Variants in BLOC1S6 observed in about 807,000 individuals in gnomAD.
BLOC1S6 encodes the protein biogenesis of lysosomal organelles complex 1 subunit 6.
BLOC1S6 carries 24 observed loss-of-function variants against 24.7 expected under a neutral mutation model. The ratio of observed to expected loss-of-function variants is 0.97; its 90% CI spans 0.70 to 1.37. The LOEUF is 1.37. BLOC1S6 is among the 40% of genes most tolerant of loss of function. The pLI is 0.00. For missense variants in BLOC1S6, 175 were observed against 196.2 expected, an observed-to-expected ratio of 0.89 and a Z score of 0.64; for synonymous variants, 76 against 72.6, an observed-to-expected ratio of 1.05 and a Z score of -0.23.
intron 2 of BLOC1S6, among the ~76,000 whole-genome samples, chr15:45,594,746 G>A (rs528574796): frequency 1.3e-5 from 2 of 152,066 alleles, no homozygotes; most frequent in African/African-American, 4.8e-5. Context: ...ACTCCGCCCA[G>A]CTAATTTTTT....
In BLOC1S6 at chr15:45,605,357, T is replaced by C. The variant is rs949800637; in HGVS notation, c.313-71T>C. 1.9e-5 allele frequency: 23 copies of C among 1,221,664 alleles called. No individual in the cohort carries two copies. In the Middle Eastern group the frequency reaches 9.7e-4, roughly 51 times the overall value. 75.7% of individuals were successfully genotyped at this position (1,221,664 alleles called of 1,614,324 possible). On this transcript the variant is annotated intron_variant, in intron 3 of 4. Transcript: ENST00000220531. ...GGAAGCACAAACTATCATTTATATA[T>C]TGCCTTATTTATTCATTTTGATATT...
At chr15:45,591,962 C>A in intron 1 of BLOC1S6, 173 bp from the exon 2 acceptor site, 1 of 694,952 alleles carries the variant, frequency 1.4e-6, no homozygotes, top group Non-Finnish European at 2.3e-6. Flanking sequence ...CTTTTATTAG[C>A]TGTGTCAATT....
intron 2 of BLOC1S6, among the ~76,000 whole-genome samples, chr15:45,601,867 G>GTTATTTATTTATTTAT (rs138580678): frequency 6.6e-6 from 1 of 151,454 alleles, no homozygotes; most frequent in African/African-American, 2.4e-5. Context: ...GAGGGACAAA[G>GTTATTTATTTATTTAT]TTATTTATTT....
intron 1 of BLOC1S6, 31 bp from the exon 2 acceptor site, chr15:45,592,104 G>A: frequency 6.2e-7 from 1 of 1,612,286 alleles, no homozygotes; most frequent in Non-Finnish European, 8.5e-7. Context: ...ATAAATAAAA[G>A]GTTCCTAAAT....
chr15:45,592,884 A>G (rs2140905329), intron 2 of BLOC1S6, among the ~76,000 whole-genome samples: 1 of 152,070 alleles, frequency 6.6e-6, no homozygotes, highest in Admixed American at 6.6e-5. Context: ...CTGGGTCGGG[A>G]CCTCTCTGGA....
chr15:45,599,399 C>G (rs1894188178), intron 2 of BLOC1S6: 1 of 105,992 alleles, frequency 9.4e-6, no homozygotes, highest in Non-Finnish European at 1.7e-5. Context: ...GAACAGGCAA[C>G]CTACAACATG....
chr15:45,606,724 C>T lies in BLOC1S6; in HGVS notation c.*210C>T, dbSNP rs374825088. On this transcript the variant is annotated 3_prime_UTR_variant, in exon 5 of 5. Coordinates refer to ENST00000220531, the MANE Select transcript of BLOC1S6 (RefSeq NM_012388.4). The stretch of plus-strand genomic sequence containing the variant: ...TTATATGTAAGTTTTTCAAATTTTG[C>T]TTAATTTTAAAATTTATTATTTTGA... The T allele has an allele frequency of 2.6e-5, 15 of 587,372 alleles. No homozygotes were observed. The highest frequency in any genetic ancestry group is 3.5e-4 in the Middle Eastern group (1 of 2,886). The allele number at this position is 587,372 out of a possible 1,614,324, so 36.4% of individuals were successfully genotyped here.
chr15:45,601,269 A>G (rs1003244702), intron 2 of BLOC1S6: 1 of 154,418 alleles, frequency 6.5e-6, no homozygotes, highest in Middle Eastern at 5.1e-4. Flanking sequence ...CTAAAACTGA[A>G]GAAAGCAAAA....
chr15:45,589,293 C>A (rs752547311), intron 1 of BLOC1S6, among the ~76,000 whole-genome samples: 1 of 152,174 alleles, frequency 6.6e-6, no homozygotes, highest in South Asian at 2.1e-4. Context: ...TGCATAGATA[C>A]GCAAAGACAA....
At position 45,605,791 on chromosome 15, in the gene BLOC1S6, T is replaced by C. The variant is rs148166855; in HGVS notation, c.399+277T>C. 1,280 of 362,166 alleles carry C rather than the reference T, an allele frequency of 3.5e-3. 11 individuals carry two copies. Among genetic ancestry groups the C allele is most frequent in the African/African-American group, 0.025 (1,195 of 47,552 alleles). The allele number at this position is 362,166 out of a possible 1,614,324, so 22.4% of individuals were successfully genotyped here. ...TTTTAGTAGAGACAGCGTTCTACCA[T>C]GTTGGCCAGGCTGGTCTCAAACTCC... is the stretch of plus-strand genomic sequence containing the variant. On this transcript the variant is annotated intron_variant, in intron 4 of 4. Transcript: ENST00000220531.
Position 45,606,613 on chromosome 15 carries a change from A to G in BLOC1S6, c.*99A>G. ...AGGTAGTGCCTTATGCCATTATGTC[A>G]TATGTTGAAATCCTTATTCCGGTAT... On this transcript the variant is annotated 3_prime_UTR_variant, in exon 5 of 5. Transcript: ENST00000220531. The G allele has an allele frequency of 6.6e-7, 1 of 1,523,550 alleles. No individual in the cohort carries two copies. Among genetic ancestry groups the G allele is most frequent in the South Asian group, 1.1e-5 (1 of 89,020 alleles). The allele number at this position is 1,523,550 out of a possible 1,614,324, so 94.4% of individuals were successfully genotyped here.
At position 45,606,655 on chromosome 15, in the gene BLOC1S6, C is replaced by T; in HGVS notation, c.*141C>T. On this transcript the variant is annotated 3_prime_UTR_variant, in exon 5 of 5. Coordinates refer to ENST00000220531, the MANE Select transcript of BLOC1S6 (RefSeq NM_012388.4). ...TTCCGGTATTACTGTGTCTCCATGCCTTTTTTCCAAGTAGCAGACGTCATG... is the reference window on the plus strand; with the variant it reads ...TTCCGGTATTACTGTGTCTCCATGCTTTTTTTCCAAGTAGCAGACGTCATG... 2 of 1,201,278 alleles carry T rather than the reference C, an allele frequency of 1.7e-6. No individual in the cohort carries two copies. Among genetic ancestry groups the T allele is most frequent in the African/African-American group, 3.0e-5 (2 of 66,570 alleles). The allele number at this position is 1,201,278 out of a possible 1,614,324, so 74.4% of individuals were successfully genotyped here. A position where few individuals can be genotyped will look rare whatever the true frequency, so the allele number is the denominator to read the frequency against.
rs1053929992 is a variant in BLOC1S6 at position 45,608,916 on chromosome 15, G to C, written c.*2402G>C. ...TCAGACTTAAGACTGAACCCCAGTA[G>C]ACAGGCAATAGATATAGAATTCTGG... On this transcript the variant is annotated 3_prime_UTR_variant, in exon 5 of 5. Coordinates refer to ENST00000220531, the MANE Select transcript of BLOC1S6 (RefSeq NM_012388.4). 1 of 152,118 alleles carries C rather than the reference G, an allele frequency of 6.6e-6. No individual in the cohort carries two copies. The highest frequency in any genetic ancestry group is 2.4e-5 in the African/African-American group (1 of 41,418). 9.4% of individuals were successfully genotyped at this position (152,118 alleles called of 1,614,324 possible). A position where few individuals can be genotyped will look rare whatever the true frequency, so the allele number is the denominator to read the frequency against.
At chr15:45,601,965 C>G (rs1469077236) in intron 2 of BLOC1S6, among the ~76,000 whole-genome samples, 1 of 152,144 alleles carries the variant, frequency 6.6e-6, no homozygotes, top group African/African-American at 2.4e-5. Flanking sequence ...ACTGCAGTTT[C>G]TAACTCCTGG....
chr15:45,590,196 TA>T (rs1228527863), intron 1 of BLOC1S6, among the ~76,000 whole-genome samples: 1 of 150,900 alleles, frequency 6.6e-6, no homozygotes, highest in African/African-American at 2.4e-5. Context: ...TCTCTCTCTA[TA>T]TTTTTTCTTT....
intron 3 of BLOC1S6, among the ~76,000 whole-genome samples, chr15:45,604,862 G>A (rs1894394569): frequency 6.6e-6 from 1 of 152,316 alleles, no homozygotes; most frequent in South Asian, 2.1e-4. Flanking sequence ...TGGCTGAGTT[G>A]TAAAGTCTGT....
chr15:45,595,864 A>G (rs1483615177), intron 2 of BLOC1S6, among the ~76,000 whole-genome samples: 2 of 150,900 alleles, frequency 1.3e-5, no homozygotes, highest in Non-Finnish European at 3.0e-5. Flanking sequence ...CTGTAGTGCA[A>G]TGGCACGATC....
intron 2 of BLOC1S6, among the ~76,000 whole-genome samples, chr15:45,597,340 G>A (rs1394840716): frequency 3.9e-5 from 6 of 152,132 alleles, no homozygotes; most frequent in African/African-American, 1.2e-4. Context: ...TCAGCCTGGC[G>A]TGGTGGTGTG....
intron 1 of BLOC1S6, among the ~76,000 whole-genome samples, chr15:45,591,072 A>C (rs762100918): frequency 1.8e-4 from 27 of 152,214 alleles, no homozygotes; most frequent in Non-Finnish European, 1.5e-4. Flanking sequence ...TTCAAAGGAA[A>C]GTGATGAGGC....
Sources: gnomAD v4.1 joint callset for allele counts (sites outside exome capture counted in the v4.1 genomes callset) on GRCh38, gnomAD v4.1.1 for gene constraint, MANE v1.5 for transcripts, NCBI Gene and HGNC (gene_info 2026-07-23, HGNC 2026-07-21) for gene names.